Variants in HSPA4 observed in about 807,000 individuals in gnomAD.
HSPA4 encodes the protein heat shock protein family A (Hsp70) member 4.
In HSPA4, 25 loss-of-function variants were observed where a neutral mutation model predicts 106.2. The ratio of observed to expected loss-of-function variants is 0.24; its 90% CI spans 0.17 to 0.33. The LOEUF is 0.33. Ranked by LOEUF, HSPA4 falls within the 10% of genes least tolerant of loss-of-function variation. HSPA4 has a pLI of 1.00. For synonymous variants in HSPA4, 332 were observed against 333.6 expected (o/e 1.00, Z 0.05); for missense variants, 841 against 996.0 (o/e 0.84, Z 2.10).
Position 133,104,338 on chromosome 5 carries a change from C to A in HSPA4, c.2425C>A (p.Gln809Lys), listed in dbSNP as rs758859168. 11 of 1,614,150 alleles carry A rather than the reference C, an allele frequency of 6.8e-6. No individual in the cohort carries two copies. Among genetic ancestry groups the A allele is most frequent in the Middle Eastern group, 3.3e-4 (2 of 6,062 alleles). ...AGAGCAGAATGGACCAGTGGATGGA[C>A]AAGGAGACAACCCAGGCCCCCAGGC... is the stretch of plus-strand genomic sequence containing the variant. ...NAEQNGPVDGQGDNPGPQAAE... is the reference protein window; with the variant it reads ...NAEQNGPVDGKGDNPGPQAAE... Residue 809 changes from glutamine (Q) to lysine (K), a missense_variant, in exon 19 of 19, where the codon CAA (glutamine) becomes AAA (lysine). Physicochemically the swap from Gln to Lys is moderately conservative, Grantham distance 53 (BLOSUM62 1). Around this residue, in one of 5 missense-constraint regions of HSPA4, gnomAD observed 328 missense variants for 372.2 expected, o/e 0.88. Coordinates refer to ENST00000304858, the MANE Select transcript of HSPA4 (RefSeq NM_002154.4).
At chr5:133,085,348 G>A (rs1419347426) in intron 7 of HSPA4, among the ~76,000 whole-genome samples, 2 of 151,698 alleles carry the variant, frequency 1.3e-5, no homozygotes, top group Non-Finnish European at 2.9e-5. Flanking sequence ...ATGACATTTT[G>A]GAAAAGGCAA....
chr5:133,062,559 G>T (rs1208686766), intron 1 of HSPA4, among the ~76,000 whole-genome samples: 1 of 152,204 alleles, frequency 6.6e-6, no homozygotes, highest in African/African-American at 2.4e-5. Flanking sequence ...TTACGTGGTA[G>T]TGAGGATTTT....
intron 16 of HSPA4, among the ~76,000 whole-genome samples, chr5:133,101,264 G>A (rs908465684): frequency 2.6e-5 from 4 of 151,660 alleles, no homozygotes; most frequent in South Asian, 2.1e-4. Flanking sequence ...TCCCCATGTC[G>A]CCCCACCCTT....
At chr5:133,090,430 CAA>C (rs56263518) in intron 11 of HSPA4, among the ~76,000 whole-genome samples, 11,932 of 51,832 alleles carry the variant, frequency 0.23, 74 homozygotes, top group Middle Eastern at 0.34. Context: ...GACTCTGTCT[CAA>C]AAAAAAAAAA....
At chr5:133,052,978 CA>C (rs901777643) in intron 1 of HSPA4, 6 of 152,298 alleles carry the variant, frequency 3.9e-5, no homozygotes, top group Non-Finnish European at 8.8e-5. Context: ...GATAACTTTG[CA>C]ATCGCTTTTG....
In HSPA4 at chr5:133,089,692, A is replaced by G. The variant is rs765663995; in HGVS notation, c.1375A>G (p.Ile459Val). The G allele has an allele frequency of 1.9e-6, 3 of 1,564,346 alleles. No homozygotes were observed. The highest frequency in any genetic ancestry group is 2.0e-5 in the Admixed American group (1 of 51,244). Residue 459 changes from isoleucine to valine, a missense_variant, in exon 11 of 19, where the codon ATA becomes GTA. By Grantham distance (29) the Ile-to-Val change is conservative. This residue lies in a region of HSPA4 where 162 missense variants were observed against 177.7 expected (regional missense o/e 0.91). Coordinates refer to ENST00000304858, the MANE Select transcript of HSPA4 (RefSeq NM_002154.4). The stretch of plus-strand genomic sequence containing the variant: ...GGATTTGCCCTATCCAGATCCTGCT[A>G]TAGGTAAGTAAAGAGTTGGAAATTA... Reference protein sequence around the residue: ...PQDLPYPDPAIAQFSVQKVTP... With the variant: ...PQDLPYPDPAVAQFSVQKVTP...
At chr5:133,104,115 AG>A in intron 18 of HSPA4, 89 bp downstream of exon 18, 1 of 1,410,366 alleles carries the variant, frequency 7.1e-7, no homozygotes, top group Non-Finnish European at 9.8e-7. Context: ...ACTTTATTAT[AG>A]TGTTTTAGCT....
Position 133,104,017 on chromosome 5 carries a change from T to A in HSPA4, c.2310T>A (p.Ala770=), listed in dbSNP as rs1303736033. ...DPVVKSKEIE[A]KIKELTSTCS... is the part of the protein sequence containing the mutation. ...TTGTCAAGTCAAAAGAGATTGAAGC[T>A]AAAATTAAGGTAATTTAAGACTTTT... The change falls in exon 18 of 19, where the codon GCT becomes GCA. Residue 770 remains alanine, a synonymous_variant. Transcript: ENST00000304858. 4 of 1,610,022 alleles carry A rather than the reference T, an allele frequency of 2.5e-6. No individual in the cohort carries two copies. The highest frequency in any genetic ancestry group is 2.5e-6 in the Non-Finnish European group (3 of 1,178,930).
At chr5:133,059,779 G>C (rs1030547368) in intron 1 of HSPA4, among the ~76,000 whole-genome samples, 8 of 152,176 alleles carry the variant, frequency 5.3e-5, no homozygotes, top group African/African-American at 1.9e-4. Flanking sequence ...GGATTATCAA[G>C]TGTAGGATGC....
intron 1 of HSPA4, among the ~76,000 whole-genome samples, chr5:133,061,949 T>C (rs528778165): frequency 2.0e-5 from 3 of 152,256 alleles, no homozygotes; most frequent in Admixed American, 1.3e-4. Flanking sequence ...TTACTTTTTA[T>C]TTGGGGGCTG....
At chr5:133,068,064 T>C (rs1227947040) in intron 3 of HSPA4, among the ~76,000 whole-genome samples, 1 of 151,984 alleles carries the variant, frequency 6.6e-6, no homozygotes, top group Non-Finnish European at 1.5e-5. Flanking sequence ...GGGTAGTTTT[T>C]TGCATCTTTA....
At chr5:133,080,417 C>CAA (rs33998797) in intron 7 of HSPA4, among the ~76,000 whole-genome samples, 2,818 of 67,520 alleles carry the variant, frequency 0.042, 110 homozygotes, top group African/African-American at 0.082. Flanking sequence ...GACCCTGTCT[C>CAA]AAAAAAAAAA....
At chr5:133,053,697 C>T (rs1447802345) in intron 1 of HSPA4, among the ~76,000 whole-genome samples, 3 of 151,140 alleles carry the variant, frequency 2.0e-5, no homozygotes, top group Non-Finnish European at 4.4e-5. Flanking sequence ...CTCGCTCTGT[C>T]GCCCCAGGCT....
At chr5:133,098,357 G>A (rs758853360) in intron 15 of HSPA4, among the ~76,000 whole-genome samples, 9 of 152,092 alleles carry the variant, frequency 5.9e-5, no homozygotes, top group Non-Finnish European at 8.8e-5. Context: ...TGTCGCCCAG[G>A]CTGGAGTGCG....
Position 133,076,719 on chromosome 5 carries a change from C to A in HSPA4, c.729C>A (p.His243Gln). Residue 243 changes from histidine to glutamine, a missense_variant, in exon 7 of 19, where the codon CAC (histidine) becomes CAA (glutamine). This residue lies in a region of HSPA4 where 347 missense variants were observed against 408.7 expected (regional missense o/e 0.85). Transcript: ENST00000304858. ...GRKFDEVLVN[H>Q]FCEEFGKKYK... ...AATTTGATGAAGTGTTAGTAAATCA[C>A]TTCTGTGAAGAATTTGGGAAGAAAT... The A allele has an allele frequency of 6.2e-7, 1 of 1,613,686 alleles. No homozygotes were observed. Among genetic ancestry groups the A allele is most frequent in the Non-Finnish European group, 8.5e-7 (1 of 1,179,666 alleles).
intron 13 of HSPA4, among the ~76,000 whole-genome samples, chr5:133,094,833 T>C (rs55650161): frequency 0.21 from 31,420 of 152,164 alleles, 3,418 homozygotes; most frequent in South Asian, 0.26. Context: ...GGTTTTGCTT[T>C]ATCATAGAAC....
intron 17 of HSPA4, among the ~76,000 whole-genome samples, chr5:133,102,840 A>G (rs1159920018): frequency 6.7e-6 from 1 of 150,172 alleles, no homozygotes; most frequent in Non-Finnish European, 1.5e-5. Context: ...TGACTCAAGC[A>G]GTTCTCCTGC....
chr5:133,089,820 C>G, intron 11 of HSPA4, 125 bp downstream of exon 11: 1 of 644,550 alleles, frequency 1.6e-6, no homozygotes, highest in Non-Finnish European at 2.4e-6. Flanking sequence ...TCGAGATCAG[C>G]CTGGGCAACA....
chr5:133,058,371 A>C (rs1765193801), intron 1 of HSPA4, among the ~76,000 whole-genome samples: 1 of 152,110 alleles, frequency 6.6e-6, no homozygotes, highest in East Asian at 1.9e-4. Flanking sequence ...ACAGAGTGAG[A>C]ACCATCTCTT....
Sources: gnomAD v4.1 joint callset for allele counts (sites outside exome capture counted in the v4.1 genomes callset) on GRCh38, gnomAD v4.1.1 for gene constraint, gnomAD v4.1.1 regional missense constraint, MANE v1.5 for transcripts, NCBI Gene and HGNC (gene_info 2026-07-23, HGNC 2026-07-21) for gene names.